The following DLGAP2 variants were observed in gnomAD, a reference collection of about 807,000 sequenced individuals.
The protein encoded by DLGAP2 is disks large-associated protein 2.
A neutral mutation model predicts 100.3 loss-of-function variants in DLGAP2; 26 were observed. The ratio of observed to expected loss-of-function variants is 0.26; its 90% CI spans 0.19 to 0.36. The LOEUF (loss-of-function observed/expected upper bound fraction) is 0.36. Among genes scored for constraint, DLGAP2 ranks in the 10% least tolerant of loss-of-function variants. The pLI, the probability that DLGAP2 is intolerant of heterozygous loss-of-function variation, is 1.00. For synonymous variants in DLGAP2, 886 were observed against 630.1 expected, an observed-to-expected ratio of 1.41 and a Z score of -6.08; for missense variants, 1,858 against 1,453.2, an observed-to-expected ratio of 1.28 and a Z score of -4.53.
chr8:1,334,756 C>T (rs143323662), intron 3 of DLGAP2, among the ~76,000 whole-genome samples: 3 of 152,216 alleles, frequency 2.0e-5, no homozygotes, highest in Admixed American at 2.0e-4. Flanking sequence ...ATTTCTCATA[C>T]CACCGAGAAG....
At chr8:1,409,836 G>C (rs1395813400) in intron 3 of DLGAP2, among the ~76,000 whole-genome samples, 1 of 152,204 alleles carries the variant, frequency 6.6e-6, no homozygotes, top group Non-Finnish European at 1.5e-5. Context: ...CAGGCTCTGA[G>C]GCTTTCACCA....
At position 893,264 on chromosome 8, in the gene DLGAP2, T is replaced by C. The variant is rs114349203; in HGVS notation, c.19-14648T>C. Among the ~76,000 whole-genome samples the C allele has an allele frequency of 4.7e-3, 721 of 152,130 alleles. 7 individuals are homozygous for C. The highest frequency in any genetic ancestry group is 0.015 in the African/African-American group (630 of 41,504). On this transcript the variant is annotated intron_variant, in intron 1 of 14. Coordinates refer to ENST00000637795, the MANE Select transcript of DLGAP2 (RefSeq NM_001346810.2). ...CCTGCCCTCCAGAGTCACTTTCCCT[T>C]TGGGTAAAATGATGACGTTTTGCAG... is the stretch of plus-strand genomic sequence containing the variant.
chr8:1,502,868 C>G (rs1283999084), intron 4 of DLGAP2, among the ~76,000 whole-genome samples: 1 of 152,176 alleles, frequency 6.6e-6, no homozygotes, highest in Non-Finnish European at 1.5e-5. Flanking sequence ...CAGGGGCCTT[C>G]TCTGGGGCAG....
At chr8:1,018,568 G>A (rs1472533743) in intron 2 of DLGAP2, among the ~76,000 whole-genome samples, 1 of 152,206 alleles carries the variant, frequency 6.6e-6, no homozygotes, top group Non-Finnish European at 1.5e-5. Flanking sequence ...CTCTGCCTGT[G>A]CTGGGCTTTA....
At chr8:890,973 C>A (rs1040709324) in intron 1 of DLGAP2, among the ~76,000 whole-genome samples, 12 of 152,152 alleles carry the variant, frequency 7.9e-5, no homozygotes, top group Non-Finnish European at 1.5e-4. Context: ...TCACTGCCCC[C>A]AGGACCTGGG....
At chr8:840,877 C>T (rs373033487) in intron 1 of DLGAP2, among the ~76,000 whole-genome samples, 113 of 152,326 alleles carry the variant, frequency 7.4e-4, no homozygotes, top group African/African-American at 2.5e-3. Context: ...GCCTTGGCAG[C>T]TGGATCCAGA....
At chr8:1,249,941 C>T (rs6989709) in intron 2 of DLGAP2, among the ~76,000 whole-genome samples, 116,468 of 151,430 alleles carry the variant, frequency 0.77, 45,358 homozygotes, top group Middle Eastern at 0.88. Flanking sequence ...AGTGCAGTGG[C>T]GTGATCTCAG....
At chr8:750,710 A>G (rs1217292350) in intron 1 of DLGAP2, among the ~76,000 whole-genome samples, 1 of 152,240 alleles carries the variant, frequency 6.6e-6, no homozygotes, top group Non-Finnish European at 1.5e-5. Flanking sequence ...GCACAGGTCC[A>G]TCTACCATGC....
chr8:1,158,411 A>T (rs1280345277), intron 2 of DLGAP2, among the ~76,000 whole-genome samples: 1 of 152,202 alleles, frequency 6.6e-6, no homozygotes, highest in Non-Finnish European at 1.5e-5. Context: ...ATTGACTTAT[A>T]TTTGAGATTG....
intron 3 of DLGAP2, among the ~76,000 whole-genome samples, chr8:1,316,183 C>T (rs1386286959): frequency 3.2e-5 from 4 of 123,370 alleles, no homozygotes; most frequent in African/African-American, 1.2e-4. Context: ...AACTCAGCAG[C>T]GTTTAAAAAT....
chr8:1,189,009 C>G (rs561373487), intron 2 of DLGAP2, among the ~76,000 whole-genome samples: 2 of 149,482 alleles, frequency 1.3e-5, no homozygotes, highest in South Asian at 4.2e-4. Flanking sequence ...TGGGGTTGAC[C>G]TTACACAGGG....
intron 2 of DLGAP2, among the ~76,000 whole-genome samples, chr8:1,251,652 C>T (rs78593262): frequency 6.6e-6 from 1 of 152,114 alleles, no homozygotes; most frequent in African/African-American, 2.4e-5. Flanking sequence ...AGTTTTTGGC[C>T]TCTGTGTCAG....
chr8:1,635,922 A>G (rs1294840403), intron 8 of DLGAP2, among the ~76,000 whole-genome samples: 1 of 152,210 alleles, frequency 6.6e-6, no homozygotes, highest in Non-Finnish European at 1.5e-5. Flanking sequence ...CTGGTGATCG[A>G]GCTGAGACAG....
intron 1 of DLGAP2, among the ~76,000 whole-genome samples, chr8:751,946 G>A (rs903695767): frequency 6.6e-6 from 1 of 152,144 alleles, no homozygotes; most frequent in Admixed American, 6.5e-5. Context: ...TTTATAGTAA[G>A]TCCTTATAGG....
chr8:1,255,700 T>C (rs112560410), intron 2 of DLGAP2, among the ~76,000 whole-genome samples: 7,682 of 70,922 alleles, frequency 0.11, 848 homozygotes, highest in African/African-American at 0.31. Context: ...TGTGTCCTCT[T>C]CTGCCTGGGA....
intron 7 of DLGAP2, among the ~76,000 whole-genome samples, chr8:1,631,812 A>G (rs148487694): frequency 6.6e-6 from 1 of 152,362 alleles, no homozygotes; most frequent in East Asian, 1.9e-4. Flanking sequence ...AGAGAAGTCC[A>G]CAGGTCTGAA....
chr8:1,655,737 C>G (rs557975467), intron 8 of DLGAP2, among the ~76,000 whole-genome samples: 43 of 152,350 alleles, frequency 2.8e-4, no homozygotes, highest in African/African-American at 9.9e-4. Context: ...AAAATCTCCT[C>G]CACGAGGTTG....
chr8:1,442,617 G>C (rs1288103888), intron 3 of DLGAP2, among the ~76,000 whole-genome samples: 2 of 147,658 alleles, frequency 1.4e-5, no homozygotes, highest in Non-Finnish European at 3.0e-5. Flanking sequence ...TCGGGGCATA[G>C]ACCCGCCAGG....
At chr8:782,951 C>A (rs1260781411) in intron 1 of DLGAP2, among the ~76,000 whole-genome samples, 1 of 152,142 alleles carries the variant, frequency 6.6e-6, no homozygotes, top group Admixed American at 6.5e-5. Context: ...GCTGACTGAC[C>A]CGGGAAAGCT....
Sources: allele counts gnomAD v4.1 joint callset (sites outside exome capture counted in the v4.1 genomes callset), GRCh38; gene constraint gnomAD v4.1.1; transcripts MANE v1.5; gene names NCBI Gene and HGNC (gene_info 2026-07-23, HGNC 2026-07-21).